Variants in DDX46 observed in about 807,000 individuals in gnomAD.
The protein encoded by DDX46 is DEAD-box helicase 46, also known as probable ATP-dependent RNA helicase DDX46.
A neutral mutation model predicts 134.9 loss-of-function variants in DDX46; 30 were observed. That is an observed-to-expected ratio of 0.22 (90% CI 0.17 to 0.30). DDX46 has a LOEUF of 0.30. DDX46 is among the 10% of genes least tolerant of loss of function. The probability of loss-of-function intolerance (pLI) is 1.00; values close to 1 mark genes in which losing one functional copy is unlikely to be tolerated. For synonymous variants in DDX46, 415 were observed against 404.1 expected (o/e 1.03, Z -0.32); for missense variants, 622 against 1,248.7 (o/e 0.50, Z 7.56).
Position 134,796,012 on chromosome 5 carries a change from T to C in DDX46, c.1816T>C (p.Phe606Leu), listed in dbSNP as rs755327824. 442 of 1,613,180 alleles carry C rather than the reference T, an allele frequency of 2.7e-4. No individual in the cohort carries two copies. Among genetic ancestry groups the C allele is most frequent in the Non-Finnish European group, 3.1e-4 (364 of 1,179,804 alleles). Residue 606 changes from phenylalanine to leucine, a missense_variant, in exon 15 of 23, where the codon TTC (phenylalanine) becomes CTC (leucine). This residue lies in a region of DDX46 where 209 missense variants were observed against 508.4 expected (regional missense o/e 0.41). Transcript: ENST00000452510. ...GATTGTGATTGAAGAAGAAAAGAAA[T>C]TCTTGAAGTTACTTGAGCTTCTAGG... is the stretch of plus-strand genomic sequence containing the variant. The part of the protein sequence containing the change: ...QVIVIEEEKK[F>L]LKLLELLGHY...
intron 3 of DDX46, among the ~76,000 whole-genome samples, chr5:134,767,709 G>A (rs1292043708): frequency 6.6e-6 from 1 of 151,676 alleles, no homozygotes; most frequent in Non-Finnish European, 1.5e-5. Context: ...CTTGCACTTT[G>A]GGAGGCCAAG....
intron 15 of DDX46, among the ~76,000 whole-genome samples, chr5:134,802,863 C>T (rs1425428767): frequency 6.6e-6 from 1 of 152,090 alleles, no homozygotes; most frequent in Non-Finnish European, 1.5e-5. Flanking sequence ...ATTCTCAATT[C>T]TCTGATGTCC....
In DDX46 at chr5:134,800,834, T is replaced by C. The variant is rs533630193; in HGVS notation, c.1954+4684T>C. On this transcript the variant is annotated intron_variant, in intron 15 of 22. Coordinates refer to ENST00000452510, the MANE Select transcript of DDX46 (RefSeq NM_001300860.2). ...GGGATTACCGGCATGTGCCACCTCG[T>C]CTCACTAATTTTTGTATTTTTAGTA... is the stretch of plus-strand genomic sequence containing the variant. Among the ~76,000 whole-genome samples the C allele has an allele frequency of 3.3e-5, 5 of 152,190 alleles. No homozygotes were observed. In the South Asian group the frequency reaches 8.3e-4, roughly 25 times the overall value.
At chr5:134,827,569 G>A (rs747791418) in intron 22 of DDX46, among the ~76,000 whole-genome samples, 14 of 152,116 alleles carry the variant, frequency 9.2e-5, no homozygotes, top group Non-Finnish European at 1.6e-4. Context: ...CGTGGCGCCC[G>A]GCCCTATATT....
chr5:134,820,249 T>C (rs1221291830), intron 21 of DDX46, among the ~76,000 whole-genome samples: 2 of 152,204 alleles, frequency 1.3e-5, no homozygotes, highest in Non-Finnish European at 2.9e-5. Flanking sequence ...ATCTTTGTTA[T>C]TGGTATTTTA....
In DDX46 at chr5:134,760,488, T is replaced by A. The variant is rs117767070; in HGVS notation, c.17+1533T>A. Among the ~76,000 whole-genome samples the A allele has an allele frequency of 1.4e-3, 210 of 152,306 alleles. 3 individuals are homozygous for A. In the East Asian group the frequency reaches 0.037, roughly 27 times the overall value. Reference sequence around the variant, plus strand: ...GCGGGTGGATTGTAGATTTTGAAGATCAGAATTTGTTTGTGAACCTTTGAA... The same window carrying A: ...GCGGGTGGATTGTAGATTTTGAAGAACAGAATTTGTTTGTGAACCTTTGAA... On this transcript the variant is annotated intron_variant, in intron 1 of 22. Coordinates refer to ENST00000452510, the MANE Select transcript of DDX46 (RefSeq NM_001300860.2).
intron 2 of DDX46, 28 bp downstream of exon 2, chr5:134,764,120 C>T (rs374130684): frequency 2.0e-5 from 32 of 1,575,034 alleles, no homozygotes; most frequent in African/African-American, 1.8e-4. Flanking sequence ...TTCCAAAAGA[C>T]GAGTGATAAA....
At chr5:134,770,648 C>T (rs1427359872) in intron 3 of DDX46, among the ~76,000 whole-genome samples, 1 of 152,036 alleles carries the variant, frequency 6.6e-6, no homozygotes, top group Admixed American at 6.6e-5. Context: ...CCTGTCTCTA[C>T]TAAAAATACA....
chr5:134,778,119 T>C (rs961139308), intron 6 of DDX46, among the ~76,000 whole-genome samples: 4 of 151,482 alleles, frequency 2.6e-5, no homozygotes, highest in South Asian at 2.1e-4. Flanking sequence ...CCCAGGCCTA[T>C]GCAGTCTACC....
At chr5:134,795,724 A>G (rs974600752) in intron 14 of DDX46, among the ~76,000 whole-genome samples, 5 of 152,168 alleles carry the variant, frequency 3.3e-5, no homozygotes, top group Non-Finnish European at 5.9e-5. Flanking sequence ...GAAATGTTAC[A>G]TATCTATTTT....
intron 18 of DDX46, among the ~76,000 whole-genome samples, chr5:134,813,991 AT>A (rs1755220054): frequency 6.6e-6 from 1 of 152,094 alleles, no homozygotes; most frequent in African/African-American, 2.4e-5. Context: ...CTATTAAATA[AT>A]TTGTAGCCAT....
intron 19 of DDX46, chr5:134,817,167 T>A (rs1755308188): frequency 8.6e-6 from 2 of 231,868 alleles, no homozygotes; most frequent in South Asian, 1.8e-4. Context: ...AGGAGACTCC[T>A]AGGAATTAGA....
At chr5:134,778,505 G>A (rs1229806210) in intron 6 of DDX46, among the ~76,000 whole-genome samples, 3 of 151,996 alleles carry the variant, frequency 2.0e-5, no homozygotes, top group Non-Finnish European at 4.4e-5. Context: ...TCAGGCTCCC[G>A]CTACAAGCCC....
chr5:134,817,194 C>A (rs368052892), intron 19 of DDX46: 2 of 287,028 alleles, frequency 7.0e-6, no homozygotes, highest in South Asian at 1.4e-4. Context: ...AAATGATTTT[C>A]GAAATATTTA....
Position 134,807,733 on chromosome 5 carries a change from C to G in DDX46, c.1955-15C>G, listed in dbSNP as rs1047944865. 1.3e-6 allele frequency: 2 copies of G among 1,599,516 alleles called. No homozygotes were observed. The highest frequency in any genetic ancestry group is 2.7e-5 in the African/African-American group (2 of 74,488). On this transcript the variant is annotated splice_polypyrimidine_tract_variant and intron_variant, in intron 15 of 22. Coordinates refer to ENST00000452510, the MANE Select transcript of DDX46 (RefSeq NM_001300860.2). ...TAATTTGAACATGTTTTAAAGCTCT[C>G]TAATTTACTTGCAGGCATTGATCAA...
At chr5:134,780,266 ATTG>A (rs1211410227) in intron 6 of DDX46, among the ~76,000 whole-genome samples, 4 of 149,914 alleles carry the variant, frequency 2.7e-5, no homozygotes, top group Non-Finnish European at 5.9e-5. Context: ...TATATATATT[ATTG>A]TTATATATAA....
In DDX46 at chr5:134,818,942, C is replaced by G; in HGVS notation, c.2915C>G (p.Thr972Ser). The stretch of plus-strand genomic sequence containing the variant: ...GAAGCCGCAATTACAATCAGAGGAA[C>G]CTACTTCCCTCCTGGCAAAGAACCC... ...YSEAAITIRG[T>S]YFPPGKEPKE... The change falls in exon 21 of 23, where the codon ACC becomes AGC. Residue 972 changes from threonine (T) to serine (S), a missense_variant. Thr to Ser is a moderately conservative substitution (Grantham distance 58). Around this residue, in one of 8 missense-constraint regions of DDX46, gnomAD observed 76 missense variants for 213.0 expected, o/e 0.36. Coordinates refer to ENST00000452510, the MANE Select transcript of DDX46 (RefSeq NM_001300860.2). The G allele has an allele frequency of 6.2e-7, 1 of 1,613,964 alleles. No homozygotes were observed. Among genetic ancestry groups the G allele is most frequent in the Non-Finnish European group, 8.5e-7 (1 of 1,179,948 alleles).
intron 21 of DDX46, 48 bp downstream of exon 21, chr5:134,819,052 A>G (rs759712080): frequency 9.5e-5 from 151 of 1,592,994 alleles, no homozygotes; most frequent in Non-Finnish European, 1.1e-4. Context: ...ATCAAGGTTG[A>G]TGTAGATGTA....
At chr5:134,809,610 C>T (rs746501302) in intron 16 of DDX46, among the ~76,000 whole-genome samples, 9 of 152,036 alleles carry the variant, frequency 5.9e-5, no homozygotes, top group Non-Finnish European at 1.0e-4. Context: ...CTCCTGACCT[C>T]GTGATCTGCC....
Sources: gnomAD v4.1 joint callset for allele counts (sites outside exome capture counted in the v4.1 genomes callset) on GRCh38, gnomAD v4.1.1 for gene constraint, gnomAD v4.1.1 regional missense constraint, MANE v1.5 for transcripts, NCBI Gene and HGNC (gene_info 2026-07-23, HGNC 2026-07-21) for gene names.